The following TBX20 variants were observed in gnomAD, a reference collection of about 807,000 sequenced individuals.
TBX20 encodes the protein T-box transcription factor TBX20.
A neutral mutation model predicts 42.9 loss-of-function variants in TBX20; 8 were observed. The ratio of observed to expected loss-of-function variants is 0.19; its 90% CI spans 0.11 to 0.34. TBX20 has a LOEUF of 0.34. Among genes scored for constraint, TBX20 ranks in the 10% least tolerant of loss-of-function variants. TBX20 has a pLI of 1.00. For missense variants in TBX20, 411 were observed against 566.0 expected (o/e 0.73, Z 2.78); for synonymous variants, 198 against 222.8 (o/e 0.89, Z 0.99).
chr7:35,221,086 G>T (rs973392588), intron 6 of TBX20, among the ~76,000 whole-genome samples: 3 of 151,944 alleles, frequency 2.0e-5, no homozygotes, highest in Non-Finnish European at 4.4e-5. Context: ...AAAGAGAGAA[G>T]ATAAATGGGG....
Sources: gnomAD v4.1 joint callset for allele counts (sites outside exome capture counted in the v4.1 genomes callset) on GRCh38, gnomAD v4.1.1 for gene constraint, MANE v1.5 for transcripts, NCBI Gene and HGNC (gene_info 2026-07-23, HGNC 2026-07-21) for gene names.